RNF180: variants seen among roughly 807,000 people sequenced by gnomAD.
RNF180 encodes the protein ring finger protein 180.
Under a neutral mutation model 59.2 loss-of-function variants are expected in RNF180, and 38 were observed. That is an observed-to-expected ratio of 0.64 (90% CI 0.50 to 0.84). The LOEUF (loss-of-function observed/expected upper bound fraction) is 0.84. RNF180 is among the 40% of genes least tolerant of loss of function. The pLI, the probability that RNF180 is intolerant of heterozygous loss-of-function variation, is 0.00. For missense variants in RNF180, 705 were observed against 700.9 expected (o/e 1.01, Z -0.07); for synonymous variants, 262 against 240.3 (o/e 1.09, Z -0.84).
intron 5 of RNF180, among the ~76,000 whole-genome samples, chr5:64,257,288 A>G (rs1195268310): frequency 2.0e-5 from 3 of 152,230 alleles, no homozygotes; most frequent in African/African-American, 7.2e-5. Flanking sequence ...GCCAGTTTTC[A>G]AAGGGAATGC....
intron 5 of RNF180, among the ~76,000 whole-genome samples, chr5:64,266,562 C>T (rs928221259): frequency 6.6e-6 from 1 of 152,092 alleles, no homozygotes; most frequent in Non-Finnish European, 1.5e-5. Context: ...GGATATTGCT[C>T]ACTCAAGATA....
At chr5:64,345,347 G>A (rs555399730) in intron 7 of RNF180, among the ~76,000 whole-genome samples, 2 of 152,240 alleles carry the variant, frequency 1.3e-5, no homozygotes, top group South Asian at 4.1e-4. Flanking sequence ...CTAATAAATG[G>A]TTTCTACTTA....
At chr5:64,304,062 C>T (rs1187329502) in intron 5 of RNF180, among the ~76,000 whole-genome samples, 1 of 151,552 alleles carries the variant, frequency 6.6e-6, no homozygotes, top group African/African-American at 2.4e-5. Flanking sequence ...AGAACAAAGT[C>T]TGGATGACAG....
chr5:64,283,501 A>G (rs548687275), intron 5 of RNF180, among the ~76,000 whole-genome samples: 1 of 152,098 alleles, frequency 6.6e-6, no homozygotes, highest in East Asian at 1.9e-4. Flanking sequence ...TCCCCACTCA[A>G]ATTTCACCTT....
chr5:64,231,041 G>A (rs1043783984), intron 5 of RNF180, among the ~76,000 whole-genome samples: 3 of 152,180 alleles, frequency 2.0e-5, no homozygotes, highest in African/African-American at 7.2e-5. Context: ...AAAGGTAAAA[G>A]GCACAAGGCA....
intron 5 of RNF180, among the ~76,000 whole-genome samples, chr5:64,314,711 G>T (rs1743951332): frequency 6.6e-6 from 1 of 152,086 alleles, no homozygotes; most frequent in Non-Finnish European, 1.5e-5. Context: ...GAATGCCATT[G>T]TTTTACATTT....
At chr5:64,257,528 C>G (rs1744049831) in intron 5 of RNF180, among the ~76,000 whole-genome samples, 1 of 152,132 alleles carries the variant, frequency 6.6e-6, no homozygotes, top group African/African-American at 2.4e-5. Flanking sequence ...TATGTTGAAC[C>G]AGCCTTGCAT....
intron 5 of RNF180, among the ~76,000 whole-genome samples, chr5:64,302,465 A>C (rs1743208408): frequency 6.6e-6 from 1 of 151,462 alleles, no homozygotes; most frequent in Admixed American, 6.6e-5. Context: ...GAAGATATTG[A>C]AGTATATATG....
At chr5:64,303,448 G>C (rs1263495156) in intron 5 of RNF180, among the ~76,000 whole-genome samples, 2 of 151,520 alleles carry the variant, frequency 1.3e-5, no homozygotes, top group Non-Finnish European at 1.5e-5. Context: ...TGAAAGCAAA[G>C]AAAAAGTTCT....
chr5:64,276,393 T>TGTGTG (rs1554038857), intron 5 of RNF180, among the ~76,000 whole-genome samples: 1 of 107,034 alleles, frequency 9.3e-6, no homozygotes, highest in Non-Finnish European at 2.0e-5. Flanking sequence ...GTGTGTGTGT[T>TGTGTG]TATTTATTTT....
intron 5 of RNF180, among the ~76,000 whole-genome samples, chr5:64,241,132 T>C (rs1303292989): frequency 2.0e-5 from 3 of 152,222 alleles, no homozygotes; most frequent in Non-Finnish European, 4.4e-5. Context: ...TATGCAAATA[T>C]AATACAAATA....
At chr5:64,365,754 CT>C (rs1746425162) in intron 7 of RNF180, among the ~76,000 whole-genome samples, 1 of 151,362 alleles carries the variant, frequency 6.6e-6, no homozygotes, top group Admixed American at 6.6e-5. Context: ...CTTTTTTTAT[CT>C]TTGTTGGTTT....
chr5:64,212,221 C>G, intron 3 of RNF180, 61 bp downstream of exon 3: 1 of 972,074 alleles, frequency 1.0e-6, no homozygotes. Context: ...TTTTTGTCCT[C>G]CTTTTAGAGC....
intron 5 of RNF180, among the ~76,000 whole-genome samples, chr5:64,280,425 AG>A (rs1741948495): frequency 6.6e-6 from 1 of 152,068 alleles, no homozygotes; most frequent in South Asian, 2.1e-4. Context: ...GTTTTCTTCT[AG>A]GGTTTTATAG....
chr5:64,234,660 C>T (rs1191437244), intron 5 of RNF180, among the ~76,000 whole-genome samples: 28 of 117,612 alleles, frequency 2.4e-4, no homozygotes, highest in Non-Finnish European at 3.6e-4. Flanking sequence ...AGTGCCGTGG[C>T]GCCATCTTGG....
At chr5:64,189,040 G>A (rs1181301601) in intron 1 of RNF180, among the ~76,000 whole-genome samples, 3 of 151,916 alleles carry the variant, frequency 2.0e-5, no homozygotes, top group Non-Finnish European at 4.4e-5. Context: ...CAGAGGAAAG[G>A]ACATATGAGG....
chr5:64,320,568 A>G (rs1361372307), intron 5 of RNF180, among the ~76,000 whole-genome samples: 1 of 151,860 alleles, frequency 6.6e-6, no homozygotes, highest in Non-Finnish European at 1.5e-5. Flanking sequence ...CTCTTGCAGA[A>G]AAAGACCTAC....
rs962391114 is a variant in RNF180, at chr5:64,354,804, A to G, written c.1580-14811A>G. The stretch of plus-strand genomic sequence containing the variant: ...AACATAAAAAAAATCTATGTAATTT[A>G]CCACATTAATAAAGGGGGGAAGGGA... On this transcript the variant is annotated intron_variant, in intron 7 of 7. Coordinates refer to ENST00000389100, the MANE Select transcript of RNF180 (RefSeq NM_001113561.2). Among the ~76,000 whole-genome samples, 4 of 151,964 alleles carry G rather than the reference A, an allele frequency of 2.6e-5. No homozygotes were observed. In the East Asian group the frequency reaches 7.8e-4, roughly 30 times the overall value.
intron 5 of RNF180, among the ~76,000 whole-genome samples, chr5:64,311,175 C>T (rs1042528669): frequency 6.6e-6 from 1 of 151,844 alleles, no homozygotes; most frequent in East Asian, 1.9e-4. Flanking sequence ...TAAAGTGACA[C>T]CCCATCTCTA....
Sources: allele counts gnomAD v4.1 joint callset (sites outside exome capture counted in the v4.1 genomes callset), GRCh38; gene constraint gnomAD v4.1.1; transcripts MANE v1.5; gene names NCBI Gene and HGNC (gene_info 2026-07-23, HGNC 2026-07-21).